Variants in TMTC2 observed in about 807,000 individuals in gnomAD.
TMTC2 encodes transmembrane O-mannosyltransferase targeting cadherins 2.
In TMTC2, 43 loss-of-function variants were observed where a neutral mutation model predicts 82.4. The ratio of observed to expected loss-of-function variants is 0.52; its 90% CI spans 0.41 to 0.67. TMTC2 has a LOEUF of 0.67. TMTC2 is among the 30% of genes least tolerant of loss of function. The pLI, the probability that TMTC2 is intolerant of heterozygous loss-of-function variation, is 0.00. For missense variants in TMTC2, 919 were observed against 1,012.4 expected (o/e 0.91, Z 1.25); for synonymous variants, 408 against 381.9 (o/e 1.07, Z -0.80).
At chr12:82,817,265 G>A (rs1035386221) in intron 1 of TMTC2, among the ~76,000 whole-genome samples, 4 of 151,960 alleles carry the variant, frequency 2.6e-5, no homozygotes, top group African/African-American at 9.7e-5. Context: ...CACAGCGCCC[G>A]GCTAGAATTT....
At chr12:82,828,701 T>TA (rs953579909) in intron 1 of TMTC2, among the ~76,000 whole-genome samples, 1 of 152,176 alleles carries the variant, frequency 6.6e-6, no homozygotes, top group Non-Finnish European at 1.5e-5. Context: ...TTAGCACTCA[T>TA]ACTGTTAGCA....
intron 2 of TMTC2, among the ~76,000 whole-genome samples, chr12:82,860,921 T>C (rs533208350): frequency 6.6e-6 from 1 of 152,340 alleles, no homozygotes; most frequent in East Asian, 1.9e-4. Flanking sequence ...CCATATTCTG[T>C]CTGTAAAATA....
At chr12:82,697,587 G>A (rs955450842) in intron 1 of TMTC2, among the ~76,000 whole-genome samples, 3 of 152,046 alleles carry the variant, frequency 2.0e-5, no homozygotes, top group East Asian at 1.9e-4. Flanking sequence ...GTTCAACAAC[G>A]GCATCTTTAA....
chr12:82,800,207 A>G (rs1327477546), intron 1 of TMTC2, among the ~76,000 whole-genome samples: 1 of 152,084 alleles, frequency 6.6e-6, no homozygotes, highest in Non-Finnish European at 1.5e-5. Context: ...TACTCTTAAA[A>G]CCTTAACTGT....
In TMTC2 at chr12:82,896,184, A is replaced by C; in HGVS notation, c.1021A>C (p.Thr341Pro). The C allele has an allele frequency of 6.2e-7, 1 of 1,614,018 alleles. No homozygotes were observed. Among genetic ancestry groups the C allele is most frequent in the Non-Finnish European group, 8.5e-7 (1 of 1,180,024 alleles). Reference protein sequence around the residue: ...PSVDRECNGKTVTNGKQNANG... With the variant: ...PSVDRECNGKPVTNGKQNANG... ...CGTAGACAGAGAATGCAATGGGAAA[A>C]CTGTAACAAATGGCAAGCAGAATGC... The change falls in exon 3 of 12, where the codon ACT (threonine) becomes CCT (proline). Residue 341 changes from threonine (T) to proline (P), a missense_variant. Transcript: ENST00000321196.
intron 1 of TMTC2, among the ~76,000 whole-genome samples, chr12:82,840,502 G>A (rs561362104): frequency 8.5e-5 from 13 of 152,148 alleles, no homozygotes; most frequent in Non-Finnish European, 1.8e-4. Context: ...TATTTAATTA[G>A]CACGGTTACT....
chr12:82,739,709 A>T (rs1875302014), intron 1 of TMTC2, among the ~76,000 whole-genome samples: 1 of 150,788 alleles, frequency 6.6e-6, no homozygotes, highest in Non-Finnish European at 1.5e-5. Context: ...GTAATGAAAG[A>T]AAAGGCCATC....
chr12:82,792,055 C>T (rs1338894716), intron 1 of TMTC2, among the ~76,000 whole-genome samples: 1 of 152,092 alleles, frequency 6.6e-6, no homozygotes, highest in African/African-American at 2.4e-5. Flanking sequence ...GGGAAATTCC[C>T]ACAGAAGCAA....
chr12:83,005,477 C>A (rs1880159126), intron 8 of TMTC2, among the ~76,000 whole-genome samples: 1 of 151,976 alleles, frequency 6.6e-6, no homozygotes, highest in African/African-American at 2.4e-5. Context: ...CGTTATTGGA[C>A]CTTAGGGGAG....
chr12:82,971,972 AT>A (rs1878467438), intron 7 of TMTC2, among the ~76,000 whole-genome samples: 1 of 152,156 alleles, frequency 6.6e-6, no homozygotes, highest in African/African-American at 2.4e-5. Context: ...TTAAATGCCT[AT>A]AAATAAAATG....
chr12:82,959,585 G>A (rs188526738), intron 4 of TMTC2, among the ~76,000 whole-genome samples: 1 of 152,170 alleles, frequency 6.6e-6, no homozygotes, highest in Non-Finnish European at 1.5e-5. Context: ...AGGATTTGCT[G>A]TTCAGTAAAT....
rs1565800071 is a variant in TMTC2, at chr12:82,899,638, T to TATATATATATAAGAATATATATATGTGGA, written c.1483+3016_1483+3017insGTGGAATATATATATAAGAATATATATAT. On this transcript the variant is annotated intron_variant, in intron 3 of 11. Transcript: ENST00000321196. ...TATATAAGAATATATATATGTGGAA[T>TATATATATATAAGAATATATATATGTGGA]ATATATATATAAGAATATATATATA... Among the ~76,000 whole-genome samples the TATATATATATAAGAATATATATATGTGGA allele has an allele frequency of 3.1e-3, 379 of 122,992 alleles. 8 individuals carry two copies. The highest frequency in any genetic ancestry group is 0.015 in the African/African-American group (362 of 24,560). 80.7% of individuals were successfully genotyped at this position (122,992 alleles called of 152,430 possible).
chr12:82,960,648 G>C (rs1276276281), intron 4 of TMTC2, among the ~76,000 whole-genome samples: 1 of 151,854 alleles, frequency 6.6e-6, no homozygotes, highest in Non-Finnish European at 1.5e-5. Flanking sequence ...GAGGAAAGGA[G>C]GAAGGGGAGC....
At chr12:83,042,714 G>T (rs973355476) in intron 9 of TMTC2, among the ~76,000 whole-genome samples, 2 of 152,076 alleles carry the variant, frequency 1.3e-5, no homozygotes, top group African/African-American at 4.8e-5. Context: ...TAACCCTTTT[G>T]CAAAGAGTCA....
chr12:83,125,652 G>A (rs1218962284), intron 11 of TMTC2, among the ~76,000 whole-genome samples: 2 of 152,136 alleles, frequency 1.3e-5, no homozygotes, highest in Admixed American at 1.3e-4. Context: ...TACCAGTTGA[G>A]AATAGAAAAT....
At chr12:83,007,095 AG>A (rs1310735216) in intron 8 of TMTC2, among the ~76,000 whole-genome samples, 1 of 152,084 alleles carries the variant, frequency 6.6e-6, no homozygotes, top group Non-Finnish European at 1.5e-5. Flanking sequence ...AAAGTATAAT[AG>A]AAAAAAACCC....
At chr12:82,727,537 A>C (rs1874523116) in intron 1 of TMTC2, among the ~76,000 whole-genome samples, 2 of 152,050 alleles carry the variant, frequency 1.3e-5, no homozygotes, top group African/African-American at 4.8e-5. Flanking sequence ...CCTGACCAAC[A>C]TGGTGAAACC....
intron 11 of TMTC2, among the ~76,000 whole-genome samples, chr12:83,064,394 G>C (rs1882848968): frequency 6.6e-6 from 1 of 151,886 alleles, no homozygotes; most frequent in Admixed American, 6.6e-5. Context: ...GACTGCCTTT[G>C]AAAATATGTT....
At chr12:82,922,931 A>G (rs541928029) in intron 3 of TMTC2, among the ~76,000 whole-genome samples, 3 of 152,310 alleles carry the variant, frequency 2.0e-5, no homozygotes, top group South Asian at 2.1e-4. Context: ...CCTACCCACT[A>G]TCAGCCAACA....
Sources: gnomAD v4.1 joint callset for allele counts (sites outside exome capture counted in the v4.1 genomes callset) on GRCh38, gnomAD v4.1.1 for gene constraint, MANE v1.5 for transcripts, NCBI Gene and HGNC (gene_info 2026-07-23, HGNC 2026-07-21) for gene names.